Variants in KCND3 observed in about 807,000 individuals in gnomAD.
The protein encoded by KCND3 is A-type voltage-gated potassium channel KCND3.
Under a neutral mutation model 51.1 loss-of-function variants are expected in KCND3, and 9 were observed. The ratio of observed to expected loss-of-function variants is 0.18; its 90% CI spans 0.11 to 0.31. The LOEUF is 0.31. Among genes scored for constraint, KCND3 ranks in the 10% least tolerant of loss-of-function variants. The probability of loss-of-function intolerance (pLI) is 1.00; values close to 1 mark genes in which losing one functional copy is unlikely to be tolerated. For missense variants in KCND3, 526 were observed against 903.8 expected (o/e 0.58, Z 5.36); for synonymous variants, 349 against 368.0 (o/e 0.95, Z 0.59).
At chr1:111,825,930 A>G (rs546313511) in intron 2 of KCND3, among the ~76,000 whole-genome samples, 1 of 152,356 alleles carries the variant, frequency 6.6e-6, no homozygotes, top group Admixed American at 6.5e-5. Context: ...TCCCACGTGC[A>G]GTGTTTGAAT....
At chr1:111,968,551 A>G (rs1436007333) in intron 2 of KCND3, among the ~76,000 whole-genome samples, 2 of 152,230 alleles carry the variant, frequency 1.3e-5, no homozygotes, top group Non-Finnish European at 2.9e-5. Flanking sequence ...GAAGGCTGTG[A>G]GGCAATGCCT....
chr1:111,777,425 A>G (rs1376252318), intron 6 of KCND3, 152 bp from the exon 7 acceptor site: 3 of 814,648 alleles, frequency 3.7e-6, no homozygotes, highest in Admixed American at 1.9e-5. Flanking sequence ...AGGAGGGGTG[A>G]TGTCCCATGG....
intron 2 of KCND3, among the ~76,000 whole-genome samples, chr1:111,837,592 G>A (rs982861398): frequency 2.1e-4 from 32 of 152,266 alleles, no homozygotes; most frequent in African/African-American, 7.7e-4. Context: ...AGACTCCCAC[G>A]TGGTCTAGGC....
intron 2 of KCND3, among the ~76,000 whole-genome samples, chr1:111,857,741 G>A (rs1668145377): frequency 6.6e-6 from 1 of 151,634 alleles, no homozygotes; most frequent in Non-Finnish European, 1.5e-5. Context: ...TGCTGCCTCT[G>A]GGAGGCATCC....
intron 2 of KCND3, among the ~76,000 whole-genome samples, chr1:111,921,124 T>C (rs1304481038): frequency 6.6e-6 from 1 of 152,184 alleles, no homozygotes; most frequent in East Asian, 1.9e-4. Flanking sequence ...GCCTCACAAG[T>C]TGTCTCATTT....
intron 2 of KCND3, among the ~76,000 whole-genome samples, chr1:111,863,376 A>C (rs1265413836): frequency 6.6e-6 from 1 of 152,090 alleles, no homozygotes; most frequent in Non-Finnish European, 1.5e-5. Context: ...AGAGATGAAA[A>C]TTTAAATCAA....
chr1:111,937,487 C>T (rs181802714), intron 2 of KCND3, among the ~76,000 whole-genome samples: 7 of 152,102 alleles, frequency 4.6e-5, no homozygotes, highest in Admixed American at 1.3e-4. Flanking sequence ...TAGCAGAGGA[C>T]GAAAAGAATG....
intron 2 of KCND3, among the ~76,000 whole-genome samples, chr1:111,976,697 C>G (rs976504887): frequency 6.6e-6 from 1 of 152,108 alleles, no homozygotes; most frequent in African/African-American, 2.4e-5. Context: ...AGAAGTGTAC[C>G]CAGCTCCTGG....
intron 2 of KCND3, among the ~76,000 whole-genome samples, chr1:111,950,058 A>G (rs986464058): frequency 1.1e-4 from 17 of 152,064 alleles, no homozygotes; most frequent in Admixed American, 9.8e-4. Flanking sequence ...TTACAGGTGC[A>G]TGCCACCATA....
chr1:111,980,954 A>C (rs1321852635), intron 2 of KCND3, among the ~76,000 whole-genome samples: 1 of 152,164 alleles, frequency 6.6e-6, no homozygotes, highest in African/African-American at 2.4e-5. Context: ...CAGGTCATTC[A>C]ATCACTGACT....
intron 2 of KCND3, among the ~76,000 whole-genome samples, chr1:111,804,007 C>T (rs1557946613): frequency 2.0e-5 from 3 of 152,194 alleles, no homozygotes; most frequent in Non-Finnish European, 4.4e-5. Flanking sequence ...TGCTACTTTA[C>T]ATCCTTTTTA....
intron 2 of KCND3, among the ~76,000 whole-genome samples, chr1:111,970,301 T>C (rs550431146): frequency 2.0e-5 from 3 of 152,300 alleles, no homozygotes; most frequent in African/African-American, 7.2e-5. Flanking sequence ...TAAACATTCA[T>C]TTGTTGATCA....
At chr1:111,958,749 T>A (rs1389234968) in intron 2 of KCND3, among the ~76,000 whole-genome samples, 1 of 152,136 alleles carries the variant, frequency 6.6e-6, no homozygotes, top group African/African-American at 2.4e-5. Flanking sequence ...CACTGCACTA[T>A]AGCCCTTTGA....
intron 1 of KCND3, among the ~76,000 whole-genome samples, chr1:111,985,865 G>A (rs372834077): frequency 2.6e-5 from 4 of 152,256 alleles, no homozygotes; most frequent in Middle Eastern, 3.4e-3. Flanking sequence ...TCCCGTAAGC[G>A]TCACTGCTCA....
At chr1:111,929,276 A>G (rs1671848684) in intron 2 of KCND3, among the ~76,000 whole-genome samples, 2 of 152,190 alleles carry the variant, frequency 1.3e-5, no homozygotes, top group South Asian at 4.2e-4. Context: ...TCAGTAAACT[A>G]TTCTCTATTG....
intron 2 of KCND3, among the ~76,000 whole-genome samples, chr1:111,953,615 G>C (rs948912): frequency 6.6e-6 from 1 of 152,242 alleles, no homozygotes; most frequent in Non-Finnish European, 1.5e-5. Flanking sequence ...CTCACTCAGG[G>C]AGAGGGCGTC....
rs1203445079 is a variant in KCND3 at position 111,982,758 on chromosome 1, C to T, written c.-32G>A. On this transcript the variant is annotated 5_prime_UTR_variant, in exon 2 of 8. Transcript: ENST00000302127. The surrounding 1 kb of genome is among the most constrained non-coding windows in gnomAD (Gnocchi z 8.5). ...TCCAGCTCTTGGGCCGGCAGCCGCGCGGACGCTAGGCACACCAGCTTGGAG... is the reference window on the plus strand; with the variant it reads ...TCCAGCTCTTGGGCCGGCAGCCGCGTGGACGCTAGGCACACCAGCTTGGAG... The T allele has an allele frequency of 4.4e-6, 7 of 1,583,618 alleles. No individual in the cohort carries two copies. Among genetic ancestry groups the T allele is most frequent in the African/African-American group, 2.7e-5 (2 of 74,418 alleles).
At chr1:111,832,447 T>C (rs1666876277) in intron 2 of KCND3, among the ~76,000 whole-genome samples, 1 of 152,232 alleles carries the variant, frequency 6.6e-6, no homozygotes. Context: ...TAAACATTAC[T>C]ATAATTCTCC....
intron 2 of KCND3, among the ~76,000 whole-genome samples, chr1:111,809,891 C>A (rs1007653431): frequency 4.6e-5 from 7 of 152,174 alleles, no homozygotes; most frequent in Non-Finnish European, 7.3e-5. Context: ...CCTCTCTGTG[C>A]CCATCCTGCT....
Sources: allele counts gnomAD v4.1 joint callset (sites outside exome capture counted in the v4.1 genomes callset), GRCh38; gene constraint gnomAD v4.1.1; non-coding constraint Gnocchi (gnomAD v3.1); transcripts MANE v1.5; gene names NCBI Gene and HGNC (gene_info 2026-07-23, HGNC 2026-07-21).